CLYBL: variants seen among roughly 807,000 people sequenced by gnomAD.
CLYBL encodes the protein citramalyl-CoA lyase, mitochondrial.
A neutral mutation model predicts 38.9 loss-of-function variants in CLYBL; 31 were observed. The ratio of observed to expected loss-of-function variants is 0.80; its 90% CI spans 0.60 to 1.08. The LOEUF is 1.08. Ranked by LOEUF, CLYBL falls within the 50% of genes least tolerant of loss-of-function variation. The probability of loss-of-function intolerance (pLI) is 0.00; values close to 1 mark genes in which losing one functional copy is unlikely to be tolerated. For synonymous variants in CLYBL, 171 were observed against 158.6 expected, an observed-to-expected ratio of 1.08 and a Z score of -0.59; for missense variants, 434 against 411.6, an observed-to-expected ratio of 1.05 and a Z score of -0.47.
intron 7 of CLYBL, chr13:99,877,527 A>G (rs1202053202): frequency 3.1e-5 from 7 of 226,030 alleles, no homozygotes; most frequent in Non-Finnish European, 5.9e-5. Flanking sequence ...GCATTCTTTT[A>G]TTTATTTATT....
intron 2 of CLYBL, among the ~76,000 whole-genome samples, chr13:99,838,108 G>T (rs2050982164): frequency 6.6e-6 from 1 of 151,952 alleles, no homozygotes; most frequent in Non-Finnish European, 1.5e-5. Flanking sequence ...TTATATATTA[G>T]ATGTATTTAT....
intron 2 of CLYBL, among the ~76,000 whole-genome samples, chr13:99,851,131 G>A (rs2051319303): frequency 6.6e-6 from 1 of 152,106 alleles, no homozygotes; most frequent in East Asian, 1.9e-4. Flanking sequence ...CCAGCACTTT[G>A]GGAGGCTGAG....
chr13:99,641,525 C>T (rs952432205), intron 1 of CLYBL, among the ~76,000 whole-genome samples: 2 of 151,652 alleles, frequency 1.3e-5, no homozygotes, highest in Admixed American at 6.6e-5. Flanking sequence ...GAAAATTAGC[C>T]GGGCACGGTG....
At chr13:99,900,326 A>C (rs907279177), downstream of CLYBL, among the ~76,000 whole-genome samples, 3 of 152,102 alleles carry the variant, frequency 2.0e-5, no homozygotes, top group African/African-American at 7.2e-5. Flanking sequence ...TCCCACAGCC[A>C]CGTGCATTTT....
intron 2 of CLYBL, among the ~76,000 whole-genome samples, chr13:99,791,039 G>A (rs1031229709): frequency 6.6e-6 from 1 of 152,152 alleles, no homozygotes; most frequent in African/African-American, 2.4e-5. Flanking sequence ...AAAGAATTGT[G>A]ATTTGAGGAA....
At chr13:99,748,977 G>A (rs1175660198) in intron 1 of CLYBL, among the ~76,000 whole-genome samples, 4 of 151,930 alleles carry the variant, frequency 2.6e-5, no homozygotes, top group African/African-American at 9.7e-5. Context: ...TCAGGAGTTC[G>A]AGACCAGCCT....
At chr13:99,614,576 G>C (rs1034700137) in intron 1 of CLYBL, among the ~76,000 whole-genome samples, 1 of 152,086 alleles carries the variant, frequency 6.6e-6, no homozygotes, top group African/African-American at 2.4e-5. Flanking sequence ...GTGTAGCTGC[G>C]AGGGAGGTCT....
chr13:99,623,153 A>G (rs1444420543), intron 1 of CLYBL, among the ~76,000 whole-genome samples: 2 of 152,200 alleles, frequency 1.3e-5, no homozygotes, highest in Non-Finnish European at 2.9e-5. Flanking sequence ...TAGTAATTCT[A>G]TGTTTAACTT....
chr13:99,742,596 A>T (rs1198019885), intron 1 of CLYBL, among the ~76,000 whole-genome samples: 3 of 152,356 alleles, frequency 2.0e-5, no homozygotes, highest in African/African-American at 7.2e-5. Flanking sequence ...CCTTTAAAAG[A>T]TGATTTAAGT....
chr13:99,837,422 A>T (rs2050964404), intron 2 of CLYBL, among the ~76,000 whole-genome samples: 1 of 152,222 alleles, frequency 6.6e-6, no homozygotes, highest in Non-Finnish European at 1.5e-5. Flanking sequence ...ACTGCACTCC[A>T]GCCTGGGTGA....
chr13:99,722,405 T>A (rs2048406954), intron 1 of CLYBL, among the ~76,000 whole-genome samples: 1 of 150,802 alleles, frequency 6.6e-6, no homozygotes, highest in South Asian at 2.1e-4. Context: ...CAAGCTGAGC[T>A]ACGCATGAAA....
At chr13:99,783,538 G>C (rs1191244555) in intron 2 of CLYBL, among the ~76,000 whole-genome samples, 3 of 150,958 alleles carry the variant, frequency 2.0e-5, no homozygotes, top group African/African-American at 7.3e-5. Context: ...CTCACTGCAA[G>C]CACCGCCTCC....
chr13:99,866,260 A>G lies in CLYBL; in HGVS notation c.655A>G (p.Thr219Ala), dbSNP rs1594232496. Residue 219 changes from threonine (T) to alanine (A), a missense_variant, in exon 6 of 9, where the codon ACC becomes GCC. Thr to Ala is a moderately conservative substitution (Grantham distance 58). Coordinates refer to ENST00000339105, the MANE Select transcript of CLYBL (RefSeq NM_206808.5). ...ASIGATSSKE[T>A]LDILYARQKI... The stretch of plus-strand genomic sequence containing the variant: ...TTCAGGTGCAACAAGTAGTAAAGAA[A>G]CCCTGGATATTCTCTACGCCCGGCA... The G allele has an allele frequency of 3.1e-6, 5 of 1,613,786 alleles. No individual in the cohort carries two copies. Among genetic ancestry groups the G allele is most frequent in the Non-Finnish European group, 4.2e-6 (5 of 1,179,990 alleles).
chr13:99,722,366 A>G (rs1375814281), intron 1 of CLYBL, among the ~76,000 whole-genome samples: 1 of 151,550 alleles, frequency 6.6e-6, no homozygotes, highest in Non-Finnish European at 1.5e-5. Context: ...TGTTTCTGGC[A>G]CTTGGGAATC....
intron 2 of CLYBL, among the ~76,000 whole-genome samples, chr13:99,813,962 A>G (rs1350466674): frequency 1.3e-5 from 2 of 152,088 alleles, no homozygotes; most frequent in Non-Finnish European, 2.9e-5. Flanking sequence ...TCCTTCTCCA[A>G]CTGCCAAAGC....
chr13:99,885,816 G>C (rs989322775), intron 7 of CLYBL, among the ~76,000 whole-genome samples: 1 of 152,204 alleles, frequency 6.6e-6, no homozygotes, highest in Middle Eastern at 3.2e-3. Context: ...AGTGTCTCCG[G>C]GAGCATCATC....
chr13:99,770,125 G>A (rs2049354500), intron 1 of CLYBL, among the ~76,000 whole-genome samples: 1 of 138,328 alleles, frequency 7.2e-6, no homozygotes, highest in African/African-American at 2.6e-5. Flanking sequence ...TTGTCGCCCA[G>A]GCAGGAGTGC....
intron 2 of CLYBL, among the ~76,000 whole-genome samples, chr13:99,781,272 G>A (rs894146765): frequency 6.6e-6 from 1 of 151,868 alleles, no homozygotes; most frequent in African/African-American, 2.4e-5. Flanking sequence ...CTGTGTTCAC[G>A]CCATTCTCCT....
chr13:99,876,959 G>A (rs531729538), intron 7 of CLYBL, among the ~76,000 whole-genome samples: 2 of 152,168 alleles, frequency 1.3e-5, no homozygotes, highest in East Asian at 1.9e-4. Context: ...TCCACGTGCC[G>A]TTCCCCACAC....
Sources: gnomAD v4.1 joint callset for allele counts (sites outside exome capture counted in the v4.1 genomes callset) on GRCh38, gnomAD v4.1.1 for gene constraint, MANE v1.5 for transcripts, NCBI Gene and HGNC (gene_info 2026-07-23, HGNC 2026-07-21) for gene names.